Variants in MCM9 observed in about 807,000 individuals in gnomAD.
MCM9 encodes the protein DNA helicase MCM9.
Under a neutral mutation model 72.8 loss-of-function variants are expected in MCM9, and 55 were observed. The observed-to-expected ratio is 0.76, with a 90% CI of 0.61 to 0.95. The LOEUF (loss-of-function observed/expected upper bound fraction) is 0.95. Ranked by LOEUF, MCM9 falls within the 40% of genes least tolerant of loss-of-function variation. MCM9 has a pLI of 0.00. For missense variants in MCM9, 1,279 were observed against 1,377.0 expected (o/e 0.93, Z 1.13); for synonymous variants, 480 against 503.4 (o/e 0.95, Z 0.62).
chr6:118,909,584 A>AT (rs1208774113), intron 8 of MCM9, among the ~76,000 whole-genome samples: 1 of 152,240 alleles, frequency 6.6e-6, no homozygotes, highest in Non-Finnish European at 1.5e-5. Flanking sequence ...TCCTAAGAAT[A>AT]TAAACATGAA....
In MCM9 at chr6:118,849,431, T is replaced by TTGTG. The variant is rs370265605; in HGVS notation, c.1325+6936_1325+6939dup. 4.0e-4 allele frequency among the ~76,000 whole-genome samples: 59 copies of TTGTG among 148,952 alleles called. 1 individual carries two copies. Among genetic ancestry groups the TTGTG allele is most frequent in the South Asian group, 3.1e-3 (15 of 4,766 alleles). On this transcript the variant is annotated intron_variant, in intron 9 of 13. Transcript: ENST00000619706. ...AATAACATCATTTATAAGGTACAGT[T>TTGTG]TGTGTGTGTGTGTGTGTGTGTGTAT...
Position 118,817,708 on chromosome 6 carries a change from C to T in MCM9, c.1962-1414G>A, listed in dbSNP as rs570281202. Among the ~76,000 whole-genome samples, 10 of 152,266 alleles carry T rather than the reference C, an allele frequency of 6.6e-5. No homozygotes were observed. In the South Asian group the frequency reaches 1.9e-3, roughly 28 times the overall value. ...TTCTGGTTCTAGATCCTTGAGGAAT[C>T]GCCACACTGTCTTCCACAATGGCTG... On this transcript the variant is annotated intron_variant, in intron 13 of 13. Transcript: ENST00000619706.
intron 9 of MCM9, among the ~76,000 whole-genome samples, chr6:118,837,646 C>A (rs1024828959): frequency 2.0e-5 from 3 of 151,990 alleles, no homozygotes; most frequent in African/African-American, 7.2e-5. Context: ...CTTTTTTTAT[C>A]TTAGTTGGTT....
chr6:118,871,400 A>T (rs1777585245), intron 8 of MCM9, among the ~76,000 whole-genome samples: 1 of 152,216 alleles, frequency 6.6e-6, no homozygotes, highest in African/African-American at 2.4e-5. Flanking sequence ...CAATAGATGT[A>T]CAAAAAACAT....
chr6:118,931,322 G>A, intron 3 of MCM9, 98 bp downstream of exon 3: 1 of 940,668 alleles, frequency 1.1e-6, no homozygotes, highest in Middle Eastern at 2.7e-4. Flanking sequence ...TATATTTTAA[G>A]TATAAATATC....
chr6:118,883,344 T>G (rs1477713736), intron 8 of MCM9, among the ~76,000 whole-genome samples: 1 of 151,926 alleles, frequency 6.6e-6, no homozygotes, highest in Non-Finnish European at 1.5e-5. Context: ...AGAAATGTTG[T>G]ACACCTTTAA....
At chr6:118,843,671 T>TGTATATATATATGC (rs1775618165) in intron 9 of MCM9, among the ~76,000 whole-genome samples, 1 of 69,864 alleles carries the variant, frequency 1.4e-5, no homozygotes, top group Non-Finnish European at 2.6e-5. Context: ...TATATATATG[T>TGTATATATATATGC]ATGTATATAT....
intron 8 of MCM9, chr6:118,893,985 C>G (rs1562426490): frequency 3.0e-6 from 3 of 983,654 alleles, no homozygotes; most frequent in African/African-American, 1.8e-5. Context: ...GCGCCGCCGC[C>G]GGCGGCCTCC....
At position 118,815,637 on chromosome 6, in the gene MCM9, A is replaced by C. The variant is rs966911287; in HGVS notation, c.2619T>G (p.Pro873=). Residue 873 remains proline (P), a synonymous_variant, in exon 14 of 14, where the codon CCT becomes CCG. Transcript: ENST00000619706. ...STRVPAQCTV[P]SHPQSTPVHS... Reference sequence around the variant, plus strand: ...GTACAGGAGTGGACTGAGGATGGGAAGGGACTGTGCACTGTGCAGGCACCC... The same window carrying C: ...GTACAGGAGTGGACTGAGGATGGGACGGGACTGTGCACTGTGCAGGCACCC... The C allele has an allele frequency of 3.2e-6, 5 of 1,550,486 alleles. No homozygotes were observed. In the Admixed American group the frequency reaches 9.8e-5, roughly 30 times the overall value.
intron 8 of MCM9, among the ~76,000 whole-genome samples, chr6:118,858,450 G>GA (rs1193481995): frequency 2.6e-5 from 4 of 152,012 alleles, no homozygotes; most frequent in Non-Finnish European, 5.9e-5. Context: ...ACAAAGATCA[G>GA]AAAAAAGCAA....
At position 118,815,069 on chromosome 6, in the gene MCM9, A is replaced by G. The variant is rs768515517; in HGVS notation, c.3187T>C (p.Phe1063Leu). Residue 1063 changes from phenylalanine (F) to leucine (L), a missense_variant, in exon 14 of 14, where the codon TTT (phenylalanine) becomes CTT (leucine). Coordinates refer to ENST00000619706, the MANE Select transcript of MCM9 (RefSeq NM_017696.3). ...GATTTGGATTCCGATGGGGGAGTAA[A>G]GCAGAAGTTTGCCAATCTGGCTAAT... is the stretch of plus-strand genomic sequence containing the variant. ...CTLARLANFC[F>L]TPPSESKSKS... 4.7e-5 allele frequency: 73 copies of G among 1,550,616 alleles called. No individual in the cohort carries two copies. The highest frequency in any genetic ancestry group is 6.2e-5 in the Non-Finnish European group (71 of 1,147,014).
At chr6:118,919,306 C>G (rs979721664) in intron 5 of MCM9, 1 of 152,160 alleles carries the variant, frequency 6.6e-6, no homozygotes, top group Admixed American at 6.5e-5. Context: ...GGATTTAAAT[C>G]CCAGCTCCAC....
intron 8 of MCM9, among the ~76,000 whole-genome samples, chr6:118,893,394 T>G (rs1489279626): frequency 6.6e-6 from 1 of 152,246 alleles, no homozygotes; most frequent in Non-Finnish European, 1.5e-5. Flanking sequence ...GTTCCTGCTA[T>G]GCTCTCCAAA....
chr6:118,867,670 C>T (rs1487435791), intron 8 of MCM9, among the ~76,000 whole-genome samples: 2 of 151,922 alleles, frequency 1.3e-5, no homozygotes, highest in African/African-American at 4.8e-5. Flanking sequence ...AAGAGTATAC[C>T]ATGTAGACTA....
chr6:118,906,296 C>T (rs1442685059), intron 8 of MCM9, among the ~76,000 whole-genome samples: 1 of 152,138 alleles, frequency 6.6e-6, no homozygotes, highest in Non-Finnish European at 1.5e-5. Context: ...TAGTCTCCAA[C>T]TCCTGACCTC....
At chr6:118,835,288 C>A (rs767697233) in intron 9 of MCM9, among the ~76,000 whole-genome samples, 1 of 152,128 alleles carries the variant, frequency 6.6e-6, no homozygotes, top group African/African-American at 2.4e-5. Context: ...TAGTGTGATG[C>A]CTCCAGCTTT....
At position 118,815,030 on chromosome 6, in the gene MCM9, G is replaced by C. The variant is rs1212983593; in HGVS notation, c.3226C>G (p.Pro1076Ala). 1 of 1,550,212 alleles carries C rather than the reference G, an allele frequency of 6.5e-7. No homozygotes were observed. Among genetic ancestry groups the C allele is most frequent in the Non-Finnish European group, 8.7e-7 (1 of 1,146,746 alleles). The change falls in exon 14 of 14, where the codon CCT (proline) becomes GCT (alanine). Residue 1076 changes from proline (P) to alanine (A), a missense_variant. By Grantham distance (27) the Pro-to-Ala change is conservative. Coordinates refer to ENST00000619706, the MANE Select transcript of MCM9 (RefSeq NM_017696.3). ...CTCTCACCTCGGTTCTTCCTTTCAG[G>C]AGGAGGGGATTTTGATTTGGATTCC... ...PSESKSKSPP[P>A]ERKNRGERGP...
At chr6:118,838,470 T>C (rs1315246001) in intron 9 of MCM9, among the ~76,000 whole-genome samples, 1 of 151,918 alleles carries the variant, frequency 6.6e-6, no homozygotes, top group Non-Finnish European at 1.5e-5. Context: ...TTTTGTATTT[T>C]TATTAGAGAC....
At chr6:118,837,783 A>G (rs1775067633) in intron 9 of MCM9, among the ~76,000 whole-genome samples, 1 of 152,172 alleles carries the variant, frequency 6.6e-6, no homozygotes, top group South Asian at 2.1e-4. Flanking sequence ...TCCTGAATAC[A>G]GCACACTGAT....
Sources: gnomAD v4.1 joint callset for allele counts (sites outside exome capture counted in the v4.1 genomes callset) on GRCh38, gnomAD v4.1.1 for gene constraint, MANE v1.5 for transcripts, NCBI Gene and HGNC (gene_info 2026-07-23, HGNC 2026-07-21) for gene names.